The following ACOXL variants were observed in gnomAD, a reference collection of about 807,000 sequenced individuals.
The protein encoded by ACOXL is acyl-coenzyme A oxidase-like protein.
ACOXL carries 70 observed loss-of-function variants against 71.9 expected under a neutral mutation model. That is an observed-to-expected ratio of 0.97 (90% CI 0.80 to 1.19). The LOEUF (loss-of-function observed/expected upper bound fraction) is 1.19, where lower values mean the gene tolerates loss of function less well. Ranked by LOEUF, ACOXL falls within the 50% of genes most tolerant of loss-of-function variation. The probability of loss-of-function intolerance (pLI) is 0.00; values close to 1 mark genes in which losing one functional copy is unlikely to be tolerated. For synonymous variants in ACOXL, 253 were observed against 281.6 expected (o/e 0.90, Z 1.02); for missense variants, 703 against 736.3 (o/e 0.95, Z 0.52).
chr2:111,101,548 G>A (rs1397910602), intron 17 of ACOXL, among the ~76,000 whole-genome samples: 1 of 151,992 alleles, frequency 6.6e-6, no homozygotes, highest in East Asian at 1.9e-4. Flanking sequence ...CTAAGGTTTA[G>A]GCACAGCATA....
At chr2:111,026,946 G>C (rs1251658196) in intron 14 of ACOXL, among the ~76,000 whole-genome samples, 1 of 152,086 alleles carries the variant, frequency 6.6e-6, no homozygotes, top group African/African-American at 2.4e-5. Context: ...GCCCAGGCTG[G>C]AGTGCAGTGA....
intron 1 of ACOXL, among the ~76,000 whole-genome samples, chr2:110,745,839 A>G (rs1206359610): frequency 6.6e-6 from 1 of 152,184 alleles, no homozygotes; most frequent in East Asian, 1.9e-4. Context: ...TTTCTAGCTA[A>G]AGTCATTCTT....
chr2:111,030,485 C>G (rs909216172), intron 14 of ACOXL, among the ~76,000 whole-genome samples: 1 of 152,136 alleles, frequency 6.6e-6, no homozygotes, highest in Non-Finnish European at 1.5e-5. Context: ...TGCCTGCGGC[C>G]CCAGGTGATG....
Position 110,736,552 on chromosome 2 carries a change from C to A in ACOXL, c.-23+3778C>A, listed in dbSNP as rs182240313. On this transcript the variant is annotated intron_variant, in intron 1 of 17. Transcript: ENST00000439055. Reference sequence around the variant, plus strand: ...GGTTCATCCATGTTGTAGCATGTGTCAAAATTCCCTCCTTTTTGAAGGCTG... The same window carrying A: ...GGTTCATCCATGTTGTAGCATGTGTAAAAATTCCCTCCTTTTTGAAGGCTG... 3.2e-4 allele frequency among the ~76,000 whole-genome samples: 49 copies of A among 151,996 alleles called. 2 individuals are homozygous for A. The East Asian group carries it at 8.5e-3, about 26-fold the overall frequency.
At chr2:110,901,635 C>T (rs930317612) in intron 10 of ACOXL, among the ~76,000 whole-genome samples, 18 of 127,704 alleles carry the variant, frequency 1.4e-4, no homozygotes, top group African/African-American at 5.3e-4. Context: ...AAGCATATAT[C>T]TCTACGCCAC....
chr2:110,873,760 G>A (rs1040647433), intron 10 of ACOXL, among the ~76,000 whole-genome samples: 7 of 152,214 alleles, frequency 4.6e-5, no homozygotes, highest in Non-Finnish European at 8.8e-5. Flanking sequence ...GCCTCCCAGA[G>A]TGTATCTGTT....
chr2:110,845,257 C>T (rs528802024), intron 10 of ACOXL, among the ~76,000 whole-genome samples: 28 of 152,232 alleles, frequency 1.8e-4, no homozygotes, highest in African/African-American at 5.3e-4. Context: ...TGTGTTGTCA[C>T]GTGGCAGAAG....
At chr2:110,737,011 G>A (rs1227773441) in intron 1 of ACOXL, among the ~76,000 whole-genome samples, 1 of 152,052 alleles carries the variant, frequency 6.6e-6, no homozygotes. Context: ...GTGTTAGTGT[G>A]GTTTTTCCGC....
chr2:110,791,418 A>G (rs963462140), intron 3 of ACOXL, among the ~76,000 whole-genome samples: 2 of 152,258 alleles, frequency 1.3e-5, no homozygotes, highest in Non-Finnish European at 2.9e-5. Context: ...ATTAGGCACC[A>G]GCCAAAGAGA....
chr2:110,943,311 G>C (rs2060965639), intron 12 of ACOXL, among the ~76,000 whole-genome samples: 3 of 150,012 alleles, frequency 2.0e-5, no homozygotes, highest in African/African-American at 7.5e-5. Context: ...AAGAGAGAAA[G>C]AGAAAAAGAA....
At chr2:110,752,755 A>G (rs951223214) in intron 1 of ACOXL, among the ~76,000 whole-genome samples, 1 of 152,084 alleles carries the variant, frequency 6.6e-6, no homozygotes. Flanking sequence ...TACTGTGTGT[A>G]TTAGCTATCT....
At chr2:110,958,653 G>C (rs1478353194) in intron 12 of ACOXL, among the ~76,000 whole-genome samples, 1 of 152,238 alleles carries the variant, frequency 6.6e-6, no homozygotes, top group African/African-American at 2.4e-5. Flanking sequence ...AGGGCACTGA[G>C]GGATCCCATG....
chr2:110,928,741 C>T (rs1056483506), intron 11 of ACOXL, among the ~76,000 whole-genome samples: 9 of 152,198 alleles, frequency 5.9e-5, no homozygotes, highest in Non-Finnish European at 1.2e-4. Flanking sequence ...ATAATTCCCA[C>T]GTGTTGTGGG....
At chr2:111,018,363 CAG>C (rs2064565281) in intron 14 of ACOXL, among the ~76,000 whole-genome samples, 1 of 152,202 alleles carries the variant, frequency 6.6e-6, no homozygotes, top group South Asian at 2.1e-4. Context: ...CATCCCCAGG[CAG>C]AGAGTGGGAC....
intron 16 of ACOXL, among the ~76,000 whole-genome samples, chr2:111,081,527 C>T (rs1347175385): frequency 1.3e-5 from 2 of 152,130 alleles, no homozygotes; most frequent in Non-Finnish European, 2.9e-5. Context: ...AGAGAGGACA[C>T]AAACAAATGG....
At chr2:110,791,971 A>G (rs922213334) in intron 3 of ACOXL, among the ~76,000 whole-genome samples, 1 of 151,980 alleles carries the variant, frequency 6.6e-6, no homozygotes, top group South Asian at 2.1e-4. Flanking sequence ...CCTTCCCCCA[A>G]CCGGGTCCTC....
chr2:111,111,506 A>G (rs1039107725), intron 17 of ACOXL, among the ~76,000 whole-genome samples: 2 of 152,228 alleles, frequency 1.3e-5, no homozygotes, highest in African/African-American at 2.4e-5. Context: ...AGAAAATGCT[A>G]CTATGAGCAG....
At chr2:110,863,222 A>G (rs527357907) in intron 10 of ACOXL, among the ~76,000 whole-genome samples, 13 of 152,340 alleles carry the variant, frequency 8.5e-5, no homozygotes, top group African/African-American at 3.1e-4. Flanking sequence ...CTACATTATG[A>G]TGTGTTCTTA....
At chr2:110,946,533 C>T (rs779291744) in intron 12 of ACOXL, among the ~76,000 whole-genome samples, 3 of 152,212 alleles carry the variant, frequency 2.0e-5, no homozygotes, top group East Asian at 3.8e-4. Context: ...AACCCAGAGA[C>T]TATGTCCAAA....
Sources: allele counts gnomAD v4.1 joint callset (sites outside exome capture counted in the v4.1 genomes callset), GRCh38; gene constraint gnomAD v4.1.1; transcripts MANE v1.5; gene names NCBI Gene and HGNC (gene_info 2026-07-23, HGNC 2026-07-21).